SFI1: variants seen among roughly 807,000 people sequenced by gnomAD.
The protein encoded by SFI1 is SFI1 centrin binding protein.
SFI1 carries 195 observed loss-of-function variants against 207.5 expected under a neutral mutation model. That is an observed-to-expected ratio of 0.94 (90% confidence interval 0.84 to 1.06). The LOEUF (loss-of-function observed/expected upper bound fraction) is 1.06, where lower values mean the gene tolerates loss of function less well. Ranked by LOEUF, SFI1 falls within the 50% of genes least tolerant of loss-of-function variation. SFI1 has a pLI of 0.00. For synonymous variants in SFI1, 630 were observed against 598.9 expected, an observed-to-expected ratio of 1.05 and a Z score of -0.76; for missense variants, 1,634 against 1,588.0, an observed-to-expected ratio of 1.03 and a Z score of -0.49.
At chr22:31,591,768 CG>C (rs1389752747) in intron 15 of SFI1, among the ~76,000 whole-genome samples, 1 of 54,552 alleles carries the variant, frequency 1.8e-5, no homozygotes, top group Non-Finnish European at 3.4e-5. Context: ...GCTGGCTGGG[CG>C]GGGGGGCTGA....
At chr22:31,555,285 C>T (rs148939882) in intron 6 of SFI1, among the ~76,000 whole-genome samples, 1,783 of 152,062 alleles carry the variant, frequency 0.012, 10 homozygotes, top group Middle Eastern at 0.031. Context: ...CCCAGGAGTT[C>T]GAGACCAGCC....
intron 4 of SFI1, among the ~76,000 whole-genome samples, chr22:31,546,235 C>T (rs2060069448): frequency 6.6e-6 from 1 of 151,772 alleles, no homozygotes; most frequent in Non-Finnish European, 1.5e-5. Flanking sequence ...AACTCCTGGC[C>T]TCATGCAGTC....
chr22:31,618,221 G>T lies in SFI1; in HGVS notation c.3619G>T (p.Glu1207Ter). Residue 1207 changes from glutamate (E) to a stop codon, truncating the protein, a stop_gained, in exon 32 of 33, where the codon GAA (glutamate) becomes TAA (stop). Transcript: ENST00000400288. LOFTEE classifies it high-confidence loss of function. ...EVEQQVQKELEQVEMQIQLLA... is the reference protein window; with the variant it reads ...EVEQQVQKEL ...AGAGCAGCAGGTGCAGAAAGAGCTG[G>T]AACAGGTGAGGCCCCAGGCCATCCC... 6.3e-7 allele frequency: 1 copy of T among 1,595,978 alleles called. No homozygotes were observed. Among genetic ancestry groups the T allele is most frequent in the Non-Finnish European group, 8.5e-7 (1 of 1,172,936 alleles).
intron 1 of SFI1, among the ~76,000 whole-genome samples, chr22:31,503,977 T>C (rs2054238592): frequency 6.6e-6 from 1 of 152,170 alleles, no homozygotes; most frequent in Non-Finnish European, 1.5e-5. Flanking sequence ...AAAGCAAACC[T>C]GTGTCCTAGT....
At position 31,532,756 on chromosome 22, in the gene SFI1, C is replaced by T. The variant is rs148735062; in HGVS notation, c.338+1627C>T. On this transcript the variant is annotated intron_variant, in intron 4 of 32. Coordinates refer to ENST00000400288, the MANE Select transcript of SFI1 (RefSeq NM_001007467.3). The stretch of plus-strand genomic sequence containing the variant: ...ACTGGCCAGGTCTAGGTCCATTCTG[C>T]CCATGTGTGGTAAATCAATCACTGT... Among the ~76,000 whole-genome samples the T allele has an allele frequency of 5.9e-5, 9 of 152,218 alleles. No individual in the cohort carries two copies. In the East Asian group the frequency reaches 1.7e-3, roughly 29 times the overall value.
Position 31,546,936 on chromosome 22 carries a change from G to T in SFI1, c.414G>T (p.Glu138Asp), listed in dbSNP as rs756112264. 2.2e-5 allele frequency: 35 copies of T among 1,612,174 alleles called. No homozygotes were observed. In the East Asian group the frequency reaches 7.1e-4, roughly 33 times the overall value. Residue 138 changes from glutamate (E) to aspartate (D), a missense_variant, in exon 5 of 33, where the codon GAG becomes GAT. Glu to Asp is a conservative substitution (Grantham distance 45). Coordinates refer to ENST00000400288, the MANE Select transcript of SFI1 (RefSeq NM_001007467.3). Reference sequence around the variant, plus strand: ...AGGAGTGGTGGGTTTTCCAGCACGAGTGGAAACTCTGTGTTCGAGCTGACT... The same window carrying T: ...AGGAGTGGTGGGTTTTCCAGCACGATTGGAAACTCTGTGTTCGAGCTGACT... Reference protein sequence around the residue: ...WKEEWWVFQHEWKLCVRADCH... With the variant: ...WKEEWWVFQHDWKLCVRADCH...
Position 31,611,797 on chromosome 22 carries a change from C to T in SFI1, c.2447C>T (p.Ala816Val), listed in dbSNP as rs766429869. ...LLHRQSTQLL[A>V]QRLSRTCFRQ... ...CACAGGCAGAGCACCCAACTGCTGG[C>T]ACAGAGACTCAGCCGGACCTGCTTC... The change falls in exon 24 of 33, where the codon GCA becomes GTA. Residue 816 changes from alanine (A) to valine (V), a missense_variant. By Grantham distance (64) the Ala-to-Val change is moderately conservative. Transcript: ENST00000400288. The T allele has an allele frequency of 2.5e-6, 4 of 1,613,762 alleles. No individual in the cohort carries two copies. The Admixed American group carries it at 6.7e-5, about 27-fold the overall frequency.
At chr22:31,591,814 C>T (rs2065999445) in intron 15 of SFI1, among the ~76,000 whole-genome samples, 1 of 79,378 alleles carries the variant, frequency 1.3e-5, no homozygotes, top group Admixed American at 1.1e-4. Context: ...GGGCGGCTGG[C>T]CGGGCAGAGG....
chr22:31,500,407 A>C (rs1009206931), intron 1 of SFI1, among the ~76,000 whole-genome samples: 3 of 152,050 alleles, frequency 2.0e-5, no homozygotes, highest in Non-Finnish European at 2.9e-5. Context: ...ATTACAACTC[A>C]CTGAAGAATC....
intron 4 of SFI1, among the ~76,000 whole-genome samples, chr22:31,545,124 T>G (rs2059947054): frequency 6.6e-6 from 1 of 152,142 alleles, no homozygotes; most frequent in African/African-American, 2.4e-5. Context: ...CCCAGCATTT[T>G]GGGAGGCCGA....
chr22:31,580,018 C>G (rs897048596), intron 11 of SFI1: 4 of 337,408 alleles, frequency 1.2e-5, no homozygotes, highest in Non-Finnish European at 2.2e-5. Context: ...TGTGTTTGTT[C>G]TTGTGCAGTA....
chr22:31,519,520 T>C lies in SFI1; in HGVS notation c.93-9170T>C, dbSNP rs192971817. 2.3e-3 allele frequency among the ~76,000 whole-genome samples: 344 copies of C among 152,020 alleles called. 2 individuals are homozygous for C. The highest frequency in any genetic ancestry group is 3.5e-3 in the Non-Finnish European group (239 of 67,990). ...GGCATGATCTTGGCTCACTGCAACA[T>C]CTGCCTCGTGGGTTCAAGCAATTCT... is the stretch of plus-strand genomic sequence containing the variant. On this transcript the variant is annotated intron_variant, in intron 2 of 32. Coordinates refer to ENST00000400288, the MANE Select transcript of SFI1 (RefSeq NM_001007467.3).
chr22:31,537,229 A>G (rs1315130918), intron 4 of SFI1, among the ~76,000 whole-genome samples: 1 of 152,170 alleles, frequency 6.6e-6, no homozygotes, highest in Non-Finnish European at 1.5e-5. Flanking sequence ...TTACACAGGA[A>G]GGTGGGGGTA....
chr22:31,572,390 A>C (rs2063042629), intron 8 of SFI1, among the ~76,000 whole-genome samples: 1 of 152,198 alleles, frequency 6.6e-6, no homozygotes, highest in Non-Finnish European at 1.5e-5. Flanking sequence ...CTGCCTGAAA[A>C]AGGACTACTT....
intron 4 of SFI1, among the ~76,000 whole-genome samples, chr22:31,545,877 CTTTTTTTTTTTT>C (rs770151262): frequency 4.0e-5 from 4 of 99,498 alleles, no homozygotes; most frequent in Non-Finnish European, 3.9e-5. Flanking sequence ...CCGTGTCCAG[CTTTTTTTTTTTT>C]TTTTTTTTTT....
Position 31,608,061 on chromosome 22 carries a change from G to A in SFI1, c.2254+28G>A, listed in dbSNP as rs775152564. On this transcript the variant is annotated intron_variant, in intron 22 of 32. Transcript: ENST00000400288. ...AAGTGGGGCCCCAGAAGCAAGTCAT[G>A]TTGAGGAATGTGAAGACAGCGCTGT... The A allele has an allele frequency of 5.7e-6, 9 of 1,579,446 alleles. No individual in the cohort carries two copies. The Admixed American group carries it at 1.0e-4, about 18-fold the overall frequency.
intron 7 of SFI1, among the ~76,000 whole-genome samples, chr22:31,560,976 T>G (rs2061645762): frequency 6.6e-6 from 1 of 152,154 alleles, no homozygotes; most frequent in African/African-American, 2.4e-5. Context: ...GTGCTGTGAT[T>G]ACAGGTGTAA....
At position 31,607,955 on chromosome 22, in the gene SFI1, G is replaced by T; in HGVS notation, c.2176G>T (p.Glu726Ter). The T allele has an allele frequency of 6.2e-7, 1 of 1,613,934 alleles. No individual in the cohort carries two copies. Among genetic ancestry groups the T allele is most frequent in the South Asian group, 1.1e-5 (1 of 91,072 alleles). Reference sequence around the variant, plus strand: ...CCCATAGGTCCTGGTCCAGTGGCGGGAAGCTGTGTCAGTGCAGATGTATTA... The same window carrying T: ...CCCATAGGTCCTGGTCCAGTGGCGGTAAGCTGTGTCAGTGCAGATGTATTA... ...ICSKVLVQWR[E>*]AVSVQMYYRQ... Residue 726 changes from glutamate (E) to a stop codon, truncating the protein, a stop_gained, in exon 22 of 33, where the codon GAA (glutamate) becomes TAA (stop). Transcript: ENST00000400288. LOFTEE classifies it high-confidence loss of function.
rs1229248504 is a variant in SFI1 at position 31,618,495 on chromosome 22, A to AAGTT, written c.*78_*81dup. 1.9e-5 allele frequency: 25 copies of AAGTT among 1,335,792 alleles called. No homozygotes were observed. The highest frequency in any genetic ancestry group is 2.7e-4 in the Middle Eastern group (1 of 3,690). The allele number at this position is 1,335,792 out of a possible 1,614,324, so 82.7% of individuals were successfully genotyped here. On this transcript the variant is annotated 3_prime_UTR_variant, in exon 33 of 33. Transcript: ENST00000400288. ...ACCTCCAGGAACAGAACACAGTTTT[A>AAGTT]AGTTTGATTTTTTTTATTTCAAAAT...
Sources: allele counts gnomAD v4.1 joint callset (sites outside exome capture counted in the v4.1 genomes callset), GRCh38; gene constraint gnomAD v4.1.1; transcripts MANE v1.5; gene names NCBI Gene and HGNC (gene_info 2026-07-23, HGNC 2026-07-21).